KLHL40: variants seen among roughly 807,000 people sequenced by gnomAD.
KLHL40 encodes the protein kelch like family member 40, also known as kelch-like protein 40.
Under a neutral mutation model 49.7 loss-of-function variants are expected in KLHL40, and 44 were observed. That is an observed-to-expected ratio of 0.89 (90% CI 0.70 to 1.14). The LOEUF (loss-of-function observed/expected upper bound fraction) is 1.14, where lower values mean the gene tolerates loss of function less well. KLHL40 is among the 50% of genes most tolerant of loss of function. KLHL40 has a pLI of 0.00. For synonymous variants in KLHL40, 409 were observed against 365.2 expected (o/e 1.12, Z -1.37); for missense variants, 892 against 850.3 (o/e 1.05, Z -0.61).
At position 42,685,978 on chromosome 3, in the gene KLHL40, C is replaced by A; in HGVS notation, c.360C>A (p.Cys120Ter). ...RFQIPSIFTICVSFLQKRLCL... is the reference protein window; with the variant it reads ...RFQIPSIFTI ...AGATCCCTTCCATCTTCACCATCTG[C>A]GTGTCCTTCCTGCAGAAGCGCCTGT... The change falls in exon 1 of 6, where the codon TGC becomes TGA. Residue 120 changes from cysteine to a stop codon, truncating the protein, a stop_gained. Coordinates refer to ENST00000287777, the MANE Select transcript of KLHL40 (RefSeq NM_152393.4). LOFTEE classifies it high-confidence loss of function. 6.2e-6 allele frequency: 10 copies of A among 1,611,858 alleles called. No homozygotes were observed. Among genetic ancestry groups the A allele is most frequent in the Non-Finnish European group, 8.5e-6 (10 of 1,179,980 alleles).
rs1697313772 is a variant in KLHL40 at position 42,688,675 on chromosome 3, A to C, written c.1379A>C (p.His460Pro). 2 of 1,613,922 alleles carry C rather than the reference A, an allele frequency of 1.2e-6. No individual in the cohort carries two copies. The highest frequency in any genetic ancestry group is 1.7e-6 in the Non-Finnish European group (2 of 1,180,014). Residue 460 changes from histidine to proline, a missense_variant, in exon 3 of 6, where the codon CAC becomes CCC. Transcript: ENST00000287777. The surrounding 1 kb of genome is among the most constrained non-coding windows in gnomAD (Gnocchi z 4.2). ...GTGTATGGCCACACAGTGCTCTCCCACATGGACCTTGTCTACGTAATTGGC... is the reference window on the plus strand; with the variant it reads ...GTGTATGGCCACACAGTGCTCTCCCCCATGGACCTTGTCTACGTAATTGGC... ...YVVYGHTVLSHMDLVYVIGGK... is the reference protein window; with the variant it reads ...YVVYGHTVLSPMDLVYVIGGK...
Position 42,692,246 on chromosome 3 carries a change from C to G in KLHL40, c.*253C>G, listed in dbSNP as rs1048662289. 1 of 518,700 alleles carries G rather than the reference C, an allele frequency of 1.9e-6. No individual in the cohort carries two copies. The highest frequency in any genetic ancestry group is 3.5e-6 in the Non-Finnish European group (1 of 288,454). 32.1% of individuals were successfully genotyped at this position (518,700 alleles called of 1,614,324 possible). A position where few individuals can be genotyped will look rare whatever the true frequency, so the allele number is the denominator to read the frequency against. Reference sequence around the variant, plus strand: ...GGTTGTCTTGATCCATGAACCAGAACCACAGGGCGGTATCCCAGGCCGTGT... The same window carrying G: ...GGTTGTCTTGATCCATGAACCAGAAGCACAGGGCGGTATCCCAGGCCGTGT... On this transcript the variant is annotated 3_prime_UTR_variant, in exon 6 of 6. Transcript: ENST00000287777.
chr3:42,692,151 C>T lies in KLHL40; in HGVS notation c.*158C>T. ...TGCGTCAGCCAAGGAAAGGGAAGTG[C>T]TGCTTAGTCCTGGACTTTTGGGCAA... On this transcript the variant is annotated 3_prime_UTR_variant, in exon 6 of 6. Transcript: ENST00000287777. The T allele has an allele frequency of 4.9e-6, 3 of 610,228 alleles. No individual in the cohort carries two copies. The highest frequency in any genetic ancestry group is 3.0e-6 in the Non-Finnish European group (1 of 336,686). The allele number at this position is 610,228 out of a possible 1,614,324, so 37.8% of individuals were successfully genotyped here. A position where few individuals can be genotyped will look rare whatever the true frequency, so the allele number is the denominator to read the frequency against.
At chr3:42,689,884 T>C (rs1191900476) in intron 4 of KLHL40, among the ~76,000 whole-genome samples, 1 of 152,102 alleles carries the variant, frequency 6.6e-6, no homozygotes, top group Non-Finnish European at 1.5e-5. Context: ...CCCCAGGAGA[T>C]GCTGACGCTG....
Position 42,688,824 on chromosome 3 carries a change from TG to T in KLHL40, c.1422-42del. ...GCAGGTGATTGCAGGGAGGCGTGGC[TG>T]GGCTCCTGCTTCTCTCCACCCATCC... is the stretch of plus-strand genomic sequence containing the variant. On this transcript the variant is annotated intron_variant, in intron 3 of 5. Transcript: ENST00000287777. This position sits in a 1 kb window ranked among gnomAD's most constrained non-coding sequence, Gnocchi z 4.2. The T allele has an allele frequency of 6.3e-7, 1 of 1,598,988 alleles. No individual in the cohort carries two copies. The highest frequency in any genetic ancestry group is 1.1e-5 in the South Asian group (1 of 90,744).
At chr3:42,689,076 G>T (rs758594602) in intron 4 of KLHL40, 22 bp downstream of exon 4, 1 of 1,592,000 alleles carries the variant, frequency 6.3e-7, no homozygotes, top group African/African-American at 1.3e-5. Flanking sequence ...TGTCCCTTCC[G>T]CCAAGGACAA....
Position 42,688,074 on chromosome 3 carries a change from G to T in KLHL40, c.1153-68G>T, listed in dbSNP as rs1242703359. 6.3e-7 allele frequency: 1 copy of T among 1,599,580 alleles called. No homozygotes were observed. On this transcript the variant is annotated intron_variant, in intron 1 of 5. Transcript: ENST00000287777. This position sits in a 1 kb window ranked among gnomAD's most constrained non-coding sequence, Gnocchi z 4.2. ...CCTCCTCCGTGATCTGGGGCAGTGG[G>T]ACTGAGTGGGGCTGGGCTGAGGCTG...
rs145033040 is a variant in KLHL40 at position 42,688,914 on chromosome 3, G to C, written c.1467G>C (p.Glu489Asp). The C allele has an allele frequency of 6.2e-7, 1 of 1,614,188 alleles. No individual in the cohort carries two copies. The highest frequency in any genetic ancestry group is 2.2e-5 in the East Asian group (1 of 44,882). Residue 489 changes from glutamate to aspartate, a missense_variant, in exon 4 of 6, where the codon GAG becomes GAC. By Grantham distance (45) the Glu-to-Asp change is conservative (BLOSUM62 2). Transcript: ENST00000287777. The surrounding 1 kb of genome is among the most constrained non-coding windows in gnomAD (Gnocchi z 4.2). ...KMCVYDPKKF[E>D]WKELAPMQTA... The stretch of plus-strand genomic sequence containing the variant: ...GCGTCTATGACCCCAAGAAGTTTGA[G>C]TGGAAGGAGCTGGCACCCATGCAGA...
At position 42,685,684 on chromosome 3, in the gene KLHL40, G is replaced by A; in HGVS notation, c.66G>A (p.Gly22=). The stretch of plus-strand genomic sequence containing the variant: ...ACCAGCAGACGCTCCTGCAAGACGG[G>A]CTCAAAGACATGCTGGACCATGGCA... The part of the protein sequence containing the change: ...RLYQQTLLQD[G]LKDMLDHGKF... The change falls in exon 1 of 6, where the codon GGG becomes GGA. Residue 22 remains glycine, a synonymous_variant. Coordinates refer to ENST00000287777, the MANE Select transcript of KLHL40 (RefSeq NM_152393.4). 6.2e-7 allele frequency: 1 copy of A among 1,613,024 alleles called. No homozygotes were observed. The highest frequency in any genetic ancestry group is 8.5e-7 in the Non-Finnish European group (1 of 1,179,754).
rs1389474644 is a variant in KLHL40 at position 42,688,124 on chromosome 3, T to A, written c.1153-18T>A. The A allele has an allele frequency of 6.2e-7, 1 of 1,613,684 alleles. No individual in the cohort carries two copies. The highest frequency in any genetic ancestry group is 8.5e-7 in the Non-Finnish European group (1 of 1,179,914). On this transcript the variant is annotated intron_variant, in intron 1 of 5. Coordinates refer to ENST00000287777, the MANE Select transcript of KLHL40 (RefSeq NM_152393.4). This position sits in a 1 kb window ranked among gnomAD's most constrained non-coding sequence, Gnocchi z 4.2. ...GGGGGAGTGGGGGGCGGTAGCTGAC[T>A]GGACACCTGGCCTGCAGTTTGACCA...
Position 42,685,762 on chromosome 3 carries a change from C to A in KLHL40, c.144C>A (p.Arg48=). The A allele has an allele frequency of 6.2e-7, 1 of 1,612,652 alleles. No homozygotes were observed. The highest frequency in any genetic ancestry group is 1.3e-5 in the African/African-American group (1 of 75,050). The change falls in exon 1 of 6, where the codon CGC becomes CGA. Residue 48 remains arginine, a synonymous_variant. Coordinates refer to ENST00000287777, the MANE Select transcript of KLHL40 (RefSeq NM_152393.4). ...GCGAGCGCGAGTTCCCGTGCCATCGCCTGGTGCTGGCCGCCTGCAGCCCCT... is the reference window on the plus strand; with the variant it reads ...GCGAGCGCGAGTTCCCGTGCCATCGACTGGTGCTGGCCGCCTGCAGCCCCT... The part of the protein sequence containing the change: ...RAGEREFPCH[R]LVLAACSPYF...
Position 42,692,179 on chromosome 3 carries a change from G to T in KLHL40, c.*186G>T. The stretch of plus-strand genomic sequence containing the variant: ...CTTAGTCCTGGACTTTTGGGCAAGG[G>T]TGAGAAACTAGAGGCTTCTCCAGTG... On this transcript the variant is annotated 3_prime_UTR_variant, in exon 6 of 6. Transcript: ENST00000287777. 1.7e-6 allele frequency: 1 copy of T among 575,322 alleles called. No individual in the cohort carries two copies. The highest frequency in any genetic ancestry group is 2.8e-5 in the East Asian group (1 of 35,184). 35.6% of individuals were successfully genotyped at this position (575,322 alleles called of 1,614,324 possible).
chr3:42,687,821 G>A lies in KLHL40; in HGVS notation c.1153-321G>A, dbSNP rs137976414. On this transcript the variant is annotated intron_variant, in intron 1 of 5. Coordinates refer to ENST00000287777, the MANE Select transcript of KLHL40 (RefSeq NM_152393.4). Reference sequence around the variant, plus strand: ...TGGGGTGGAGAGGAGGGGGCAGGCAGGCCTCAGTTGGGAGTTGTTCAGCCT... The same window carrying A: ...TGGGGTGGAGAGGAGGGGGCAGGCAAGCCTCAGTTGGGAGTTGTTCAGCCT... Among the ~76,000 whole-genome samples the A allele has an allele frequency of 3.9e-3, 596 of 152,198 alleles. 4 individuals carry two copies. Among genetic ancestry groups the A allele is most frequent in the African/African-American group, 0.014 (572 of 41,506 alleles).
chr3:42,686,130 G>T lies in KLHL40; in HGVS notation c.512G>T (p.Gly171Val). 1 of 1,598,926 alleles carries T rather than the reference G, an allele frequency of 6.3e-7. No homozygotes were observed. ...GTGGCGCGCGACGCTGACTTCCTCG[G>T]ACTCTCGGCCGACGAGCTCATCGCC... ...TLVARDADFL[G>V]LSADELIAII... The change falls in exon 1 of 6, where the codon GGA becomes GTA. Residue 171 changes from glycine to valine, a missense_variant. Gly to Val is a moderately radical substitution (Grantham distance 109). Transcript: ENST00000287777.
rs562925616 is a variant in KLHL40, at chr3:42,686,090, G to C, written c.472G>C (p.Ala158Pro). 7 of 1,602,400 alleles carry C rather than the reference G, an allele frequency of 4.4e-6. No homozygotes were observed. The highest frequency in any genetic ancestry group is 5.9e-6 in the Non-Finnish European group (7 of 1,179,868). Reference protein sequence around the residue: ...LAVAARDFICAHFTLVARDAD... With the variant: ...LAVAARDFICPHFTLVARDAD... ...CGTGGCTGCCCGCGACTTCATCTGC[G>C]CTCACTTCACGCTGGTGGCGCGCGA... Residue 158 changes from alanine to proline, a missense_variant, in exon 1 of 6, where the codon GCT becomes CCT. Transcript: ENST00000287777.
rs1697301421 is a variant in KLHL40, at chr3:42,688,156, C to T, written c.1167C>T (p.Asp389=). ...SAYFLQFDHL[D]SEWLGMPPLP... The stretch of plus-strand genomic sequence containing the variant: ...CTGGCCTGCAGTTTGACCATCTGGA[C>T]TCAGAGTGGCTGGGGATGCCACCGC... Residue 389 remains aspartate (D), a synonymous_variant, in exon 2 of 6, where the codon GAC becomes GAT. Transcript: ENST00000287777. The surrounding 1 kb of genome is among the most constrained non-coding windows in gnomAD (Gnocchi z 4.2). 1 of 1,613,874 alleles carries T rather than the reference C, an allele frequency of 6.2e-7. No homozygotes were observed. Among genetic ancestry groups the T allele is most frequent in the South Asian group, 1.1e-5 (1 of 91,080 alleles).
chr3:42,687,279 G>A (rs1697287848), intron 1 of KLHL40, among the ~76,000 whole-genome samples: 1 of 152,224 alleles, frequency 6.6e-6, no homozygotes, highest in Non-Finnish European at 1.5e-5. Flanking sequence ...ACAGTTTCCT[G>A]GAGACTGGCC....
rs965725905 is a variant in KLHL40 at position 42,686,419 on chromosome 3, G to T, written c.801G>T (p.Thr267=). 1 of 1,613,746 alleles carries T rather than the reference G, an allele frequency of 6.2e-7. No individual in the cohort carries two copies. The highest frequency in any genetic ancestry group is 1.3e-5 in the African/African-American group (1 of 75,056). Residue 267 remains threonine, a synonymous_variant, in exon 1 of 6, where the codon ACG becomes ACT. Coordinates refer to ENST00000287777, the MANE Select transcript of KLHL40 (RefSeq NM_152393.4). ...ATGCACACGAGGGCCGCATCACCAC[G>T]CTGCGGAAGAAAAAGAAGGGGAAGG... is the stretch of plus-strand genomic sequence containing the variant. ...VKDAHEGRIT[T]LRKKKKGKDG...
At position 42,686,550 on chromosome 3, in the gene KLHL40, G is replaced by C. The variant is rs774887948; in HGVS notation, c.932G>C (p.Arg311Pro). 1 of 1,614,134 alleles carries C rather than the reference G, an allele frequency of 6.2e-7. No homozygotes were observed. The highest frequency in any genetic ancestry group is 1.3e-5 in the African/African-American group (1 of 75,048). The change falls in exon 1 of 6, where the codon CGC (arginine) becomes CCC (proline). Residue 311 changes from arginine to proline, a missense_variant. Physicochemically the swap from Arg to Pro is moderately radical, Grantham distance 103. Coordinates refer to ENST00000287777, the MANE Select transcript of KLHL40 (RefSeq NM_152393.4). ...ILPGILNDTLRFGMFLQDLIF... is the reference protein window; with the variant it reads ...ILPGILNDTLPFGMFLQDLIF... Reference sequence around the variant, plus strand: ...CCTGGGATCCTCAATGACACCCTGCGCTTCGGCATGTTCCTGCAGGATCTC... The same window carrying C: ...CCTGGGATCCTCAATGACACCCTGCCCTTCGGCATGTTCCTGCAGGATCTC...
Sources: gnomAD v4.1 joint callset for allele counts (sites outside exome capture counted in the v4.1 genomes callset) on GRCh38, gnomAD v4.1.1 for gene constraint, Gnocchi (gnomAD v3.1) non-coding constraint, MANE v1.5 for transcripts, NCBI Gene and HGNC (gene_info 2026-07-23, HGNC 2026-07-21) for gene names.